Variants in DCLRE1C observed in about 807,000 individuals in gnomAD.
DCLRE1C encodes protein artemis.
A neutral mutation model predicts 61.4 loss-of-function variants in DCLRE1C; 47 were observed. The observed-to-expected ratio is 0.77, with a 90% CI of 0.61 to 0.98. DCLRE1C has a LOEUF of 0.98. Ranked by LOEUF, DCLRE1C falls within the 50% of genes least tolerant of loss-of-function variation. The pLI is 0.00. For synonymous variants in DCLRE1C, 337 were observed against 287.6 expected (o/e 1.17, Z -1.74); for missense variants, 858 against 816.0 (o/e 1.05, Z -0.63).
intron 13 of DCLRE1C, among the ~76,000 whole-genome samples, chr10:14,914,544 C>G (rs1340152046): frequency 6.6e-6 from 1 of 152,200 alleles, no homozygotes; most frequent in Admixed American, 6.5e-5. Flanking sequence ...CTTCATCCAA[C>G]AACAGTAGTA....
intron 11 of DCLRE1C, among the ~76,000 whole-genome samples, chr10:14,925,793 A>T (rs937511179): frequency 6.6e-6 from 1 of 152,180 alleles, no homozygotes; most frequent in Non-Finnish European, 1.5e-5. Flanking sequence ...AATATGAAAA[A>T]CATGGCACTT....
chr10:14,938,520 G>T lies in DCLRE1C; in HGVS notation c.306+1290C>A, dbSNP rs145704217. Among the ~76,000 whole-genome samples, 3 of 152,166 alleles carry T rather than the reference G, an allele frequency of 2.0e-5. No individual in the cohort carries two copies. The East Asian group carries it at 5.8e-4, about 29-fold the overall frequency. ...CACCCTCAAAGTTAAACACGGCAAA[G>T]CAGTGTGCTATAATCAAGCAACAAA... On this transcript the variant is annotated intron_variant, in intron 4 of 13. Coordinates refer to ENST00000378278, the MANE Select transcript of DCLRE1C (RefSeq NM_001033855.3).
At chr10:14,944,879 T>C (rs1356849516) in intron 3 of DCLRE1C, among the ~76,000 whole-genome samples, 4 of 151,910 alleles carry the variant, frequency 2.6e-5, no homozygotes, top group African/African-American at 9.7e-5. Flanking sequence ...TTTACCATGT[T>C]GGCCAGGCTG....
chr10:14,953,787 C>A (rs1049067639), intron 1 of DCLRE1C, 115 bp downstream of exon 1: 16 of 1,468,166 alleles, frequency 1.1e-5, no homozygotes, highest in Non-Finnish European at 1.5e-5. Context: ...GTGTGCTGGC[C>A]GCCCCCTCGC....
intron 5 of DCLRE1C, 93 bp downstream of exon 5, chr10:14,936,444 AG>A: frequency 1.0e-6 from 1 of 954,628 alleles, no homozygotes; most frequent in Non-Finnish European, 1.6e-6. Flanking sequence ...CACTGCACCC[AG>A]CCCCCTATTA....
intron 3 of DCLRE1C, among the ~76,000 whole-genome samples, chr10:14,943,522 C>T (rs992548252): frequency 6.6e-6 from 1 of 152,108 alleles, no homozygotes; most frequent in Non-Finnish European, 1.5e-5. Flanking sequence ...ATCTATGTCT[C>T]TTATAGACTA....
At chr10:14,940,047 C>T (rs1840611941) in intron 3 of DCLRE1C, among the ~76,000 whole-genome samples, 178 bp from the exon 4 acceptor site, 1 of 152,044 alleles carries the variant, frequency 6.6e-6, no homozygotes, top group Non-Finnish European at 1.5e-5. Context: ...AAAATAATAC[C>T]TGTCTTGAGG....
At chr10:14,954,190 T>C (rs562162499), upstream of DCLRE1C, 1 of 997,694 alleles carries the variant, frequency 1.0e-6, no homozygotes, top group Admixed American at 2.2e-5. Context: ...TCCGGTCGGG[T>C]TCTAGGCGCC....
intron 13 of DCLRE1C, among the ~76,000 whole-genome samples, chr10:14,911,944 A>G (rs977381024): frequency 6.6e-6 from 1 of 152,224 alleles, no homozygotes; most frequent in Non-Finnish European, 1.5e-5. Context: ...GTTGGCTAAT[A>G]TGTGAAGGAA....
intron 13 of DCLRE1C, 45 bp from the exon 14 acceptor site, chr10:14,909,375 A>T: frequency 1.9e-6 from 3 of 1,562,460 alleles, no homozygotes; most frequent in Non-Finnish European, 2.6e-6. Flanking sequence ...AGGCAAAGGG[A>T]GCCAATTTGT....
In DCLRE1C at chr10:14,953,965, T is replaced by C. The variant is rs759129037; in HGVS notation, c.46A>G (p.Ile16Val). The C allele has an allele frequency of 1.9e-6, 3 of 1,613,910 alleles. No individual in the cohort carries two copies. The highest frequency in any genetic ancestry group is 2.5e-6 in the Non-Finnish European group (3 of 1,179,856). Residue 16 changes from isoleucine (I) to valine (V), a missense_variant, in exon 1 of 14, where the codon ATA becomes GTA. Ile to Val is a conservative substitution (Grantham distance 29). This residue lies in a region of DCLRE1C where 15 missense variants were observed against 32.5 expected (regional missense o/e 0.46). Coordinates refer to ENST00000378278, the MANE Select transcript of DCLRE1C (RefSeq NM_001033855.3). ...AGGTTCTCCCTATCGAAGCGGTCTA[T>C]GGAGATAGTTGGATACTCGGCCATC... ...GQMAEYPTIS[I>V]DRFDRENLRA...
At chr10:14,904,456 G>T (rs1337010719), downstream of DCLRE1C, 1 of 151,044 alleles carries the variant, frequency 6.6e-6, no homozygotes, top group Non-Finnish European at 1.5e-5. Context: ...GCCCCCAGTG[G>T]CCATACTTTG....
chr10:14,929,252 A>G (rs1764316045), intron 9 of DCLRE1C, among the ~76,000 whole-genome samples: 1 of 152,022 alleles, frequency 6.6e-6, no homozygotes, highest in African/African-American at 2.4e-5. Flanking sequence ...TAAAAATACA[A>G]AACTAGCCAG....
intron 13 of DCLRE1C, among the ~76,000 whole-genome samples, chr10:14,909,588 A>G (rs1488985559): frequency 6.6e-6 from 1 of 151,010 alleles, no homozygotes; most frequent in Non-Finnish European, 1.5e-5. Flanking sequence ...TTACGATCAT[A>G]TGCAAAACTT....
chr10:14,932,403 C>T (rs1039076634), intron 9 of DCLRE1C, among the ~76,000 whole-genome samples: 1 of 151,834 alleles, frequency 6.6e-6, no homozygotes, highest in Non-Finnish European at 1.5e-5. Flanking sequence ...TTTGGGAGGC[C>T]GAGGGAGGCG....
At chr10:14,939,993 T>C (rs1316445462) in intron 3 of DCLRE1C, 124 bp from the exon 4 acceptor site, 11 of 692,900 alleles carry the variant, frequency 1.6e-5, no homozygotes, top group Non-Finnish European at 2.5e-5. Context: ...ACAATTCCGA[T>C]TACATTGTAA....
At chr10:14,901,368 G>T, downstream of DCLRE1C, 2 of 1,439,792 alleles carry the variant, frequency 1.4e-6, no homozygotes. Context: ...TACTAAAGAT[G>T]AAAAGTTGAG....
intron 9 of DCLRE1C, 31 bp downstream of exon 9, chr10:14,932,823 A>G: frequency 1.9e-6 from 3 of 1,610,806 alleles, no homozygotes; most frequent in African/African-American, 1.3e-5. Context: ...GATTACACAA[A>G]CAATACGAGA....
At chr10:14,925,225 TAAAAAAAAA>T (rs67477083) in intron 11 of DCLRE1C, among the ~76,000 whole-genome samples, 2 of 109,328 alleles carry the variant, frequency 1.8e-5, no homozygotes, top group Non-Finnish European at 3.7e-5. Context: ...ATAAAGGATT[TAAAAAAAAA>T]AAAAAAAAAA....
Sources: allele counts gnomAD v4.1 joint callset (sites outside exome capture counted in the v4.1 genomes callset), GRCh38; gene constraint gnomAD v4.1.1; regional missense constraint gnomAD v4.1.1; transcripts MANE v1.5; gene names NCBI Gene and HGNC (gene_info 2026-07-23, HGNC 2026-07-21).